The following WWOX variants were observed in gnomAD, a reference collection of about 807,000 sequenced individuals.
WWOX encodes the protein WW domain-containing oxidoreductase.
WWOX carries 69 observed loss-of-function variants against 46.2 expected under a neutral mutation model. The ratio of observed to expected loss-of-function variants is 1.49; its 90% CI spans 1.23 to 1.82. The LOEUF (loss-of-function observed/expected upper bound fraction) is 1.82, where lower values mean the gene tolerates loss of function less well. Ranked by LOEUF, WWOX falls within the 40% of genes most tolerant of loss-of-function variation. The pLI is 0.00. For synonymous variants in WWOX, 359 were observed against 202.6 expected (o/e 1.77, Z -6.56); for missense variants, 919 against 542.6 (o/e 1.69, Z -6.89).
At chr16:78,855,995 G>A (rs1316223856) in intron 8 of WWOX, among the ~76,000 whole-genome samples, 1 of 152,196 alleles carries the variant, frequency 6.6e-6, no homozygotes, top group Non-Finnish European at 1.5e-5. Context: ...ACCCAAGAAG[G>A]AGGTGACTAA....
intron 8 of WWOX, among the ~76,000 whole-genome samples, chr16:78,826,360 C>G (rs1163215939): frequency 6.6e-6 from 1 of 152,198 alleles, no homozygotes; most frequent in East Asian, 1.9e-4. Context: ...ACAACAGCAA[C>G]AGAAATGTAT....
chr16:78,923,769 G>A (rs117941881), intron 8 of WWOX, among the ~76,000 whole-genome samples: 2,062 of 144,696 alleles, frequency 0.014, 19 homozygotes, highest in Middle Eastern at 0.026. Flanking sequence ...GATCTGGGTT[G>A]ATTGCTAGGA....
intron 5 of WWOX, among the ~76,000 whole-genome samples, chr16:78,191,127 C>G (rs1169001014): frequency 6.6e-6 from 1 of 152,214 alleles, no homozygotes; most frequent in Non-Finnish European, 1.5e-5. Flanking sequence ...CGCTGGACCA[C>G]TGGATCCAGC....
chr16:78,992,912 ATATC>A (rs2046916480), intron 8 of WWOX, among the ~76,000 whole-genome samples: 1 of 150,844 alleles, frequency 6.6e-6, no homozygotes, highest in Non-Finnish European at 1.5e-5. Context: ...ATGAAAAAAT[ATATC>A]TACGTATAAT....
At chr16:78,357,130 C>G (rs150154773) in intron 5 of WWOX, among the ~76,000 whole-genome samples, 15 of 152,244 alleles carry the variant, frequency 9.9e-5, no homozygotes, top group African/African-American at 3.1e-4. Flanking sequence ...GCCTTCGTGG[C>G]CCCTAGTTTG....
At position 79,047,571 on chromosome 16, in the gene WWOX, G is replaced by A. The variant is rs189367130; in HGVS notation, c.1057-164037G>A. Among the ~76,000 whole-genome samples the A allele has an allele frequency of 8.6e-4, 129 of 150,320 alleles. 1 individual carries two copies. The Middle Eastern group carries it at 0.014, about 16-fold the overall frequency. On this transcript the variant is annotated intron_variant, in intron 8 of 8. Transcript: ENST00000566780. The stretch of plus-strand genomic sequence containing the variant: ...TGTGTATCAGTGTCCTGTGGCTGCT[G>A]TAACAGATTACTACAAATTTTGTGG...
At chr16:78,652,695 G>A (rs1475489894) in intron 8 of WWOX, among the ~76,000 whole-genome samples, 1 of 152,096 alleles carries the variant, frequency 6.6e-6, no homozygotes, top group Non-Finnish European at 1.5e-5. Flanking sequence ...GGGGGCTGTG[G>A]AAAAGATGCC....
At chr16:78,912,321 T>G (rs956292134) in intron 8 of WWOX, among the ~76,000 whole-genome samples, 1 of 152,036 alleles carries the variant, frequency 6.6e-6, no homozygotes, top group Non-Finnish European at 1.5e-5. Flanking sequence ...TTATGTGTGT[T>G]ATTTTATTTC....
rs2081108559 is a variant in WWOX at position 78,347,219 on chromosome 16, T to G, written c.517-39641T>G. ...CCTTCCCCCGCCCCCTCCATTCTCT[T>G]TCCATCCTTTAAATGTCAGTGTCCC... On this transcript the variant is annotated intron_variant, in intron 5 of 8. Coordinates refer to ENST00000566780, the MANE Select transcript of WWOX (RefSeq NM_016373.4). Among the ~76,000 whole-genome samples the G allele has an allele frequency of 1.7e-5, 2 of 116,094 alleles. 1 individual carries two copies. Among genetic ancestry groups the G allele is most frequent in the Non-Finnish European group, 4.1e-5 (2 of 48,796 alleles). The allele number at this position is 116,094 out of a possible 152,430, so 76.2% of individuals were successfully genotyped here. A position where few individuals can be genotyped will look rare whatever the true frequency, so the allele number is the denominator to read the frequency against.
intron 8 of WWOX, among the ~76,000 whole-genome samples, chr16:78,478,050 T>C (rs1326001744): frequency 1.3e-5 from 2 of 152,182 alleles, no homozygotes; most frequent in African/African-American, 2.4e-5. Flanking sequence ...TAAAGAAATA[T>C]TCGTAATCAA....
At chr16:78,890,280 C>T (rs2044560461) in intron 8 of WWOX, 1 of 150,054 alleles carries the variant, frequency 6.7e-6, no homozygotes, top group Non-Finnish European at 1.5e-5. Context: ...TAAATAAAAG[C>T]CCCATTTTCA....
chr16:78,323,104 ATTTT>A (rs199808142), intron 5 of WWOX, among the ~76,000 whole-genome samples: 1 of 150,712 alleles, frequency 6.6e-6, no homozygotes, highest in Non-Finnish European at 1.5e-5. Context: ...GGGTTCTTGT[ATTTT>A]TTTTTGTTTG....
At chr16:78,994,969 CTTT>C (rs869088414) in intron 8 of WWOX, among the ~76,000 whole-genome samples, 7,692 of 114,454 alleles carry the variant, frequency 0.067, 324 homozygotes, top group African/African-American at 0.17. Context: ...TCTTCTTCTT[CTTT>C]TTTTTTTTTT....
intron 8 of WWOX, among the ~76,000 whole-genome samples, chr16:79,081,367 T>A (rs1053232721): frequency 2.6e-5 from 4 of 152,218 alleles, no homozygotes; most frequent in African/African-American, 9.6e-5. Flanking sequence ...TTTTGCCGTG[T>A]TGGCCAGGCT....
intron 8 of WWOX, among the ~76,000 whole-genome samples, chr16:79,067,797 G>A (rs765265377): frequency 3.3e-5 from 5 of 152,268 alleles, no homozygotes; most frequent in Admixed American, 6.5e-5. Flanking sequence ...TTTGTGGTTC[G>A]AATGGAATGA....
chr16:79,116,192 T>C (rs1389998287), intron 8 of WWOX, among the ~76,000 whole-genome samples: 9 of 152,228 alleles, frequency 5.9e-5, no homozygotes, highest in African/African-American at 2.2e-4. Context: ...TGGCTGCTGA[T>C]GGATCAAGTT....
chr16:78,735,614 T>G (rs749405522), intron 8 of WWOX, among the ~76,000 whole-genome samples: 8 of 152,246 alleles, frequency 5.3e-5, no homozygotes, highest in Non-Finnish European at 7.3e-5. Context: ...GGGCCTGCCC[T>G]GTACATGAGG....
intron 8 of WWOX, among the ~76,000 whole-genome samples, chr16:78,439,285 C>T (rs1228279569): frequency 1.3e-5 from 2 of 152,184 alleles, no homozygotes; most frequent in Non-Finnish European, 2.9e-5. Flanking sequence ...CTTTCTCTTG[C>T]CAGTCCAGAT....
At chr16:78,600,239 G>C (rs1425824185) in intron 8 of WWOX, among the ~76,000 whole-genome samples, 1 of 152,002 alleles carries the variant, frequency 6.6e-6, no homozygotes, top group South Asian at 2.1e-4. Flanking sequence ...AATTGTGGGA[G>C]CGACAGTTCA....
Sources: allele counts gnomAD v4.1 joint callset (sites outside exome capture counted in the v4.1 genomes callset), GRCh38; gene constraint gnomAD v4.1.1; transcripts MANE v1.5; gene names NCBI Gene and HGNC (gene_info 2026-07-23, HGNC 2026-07-21).